The following ARID1B variants were observed in gnomAD, a reference collection of about 807,000 sequenced individuals.
ARID1B encodes AT-rich interaction domain 1B.
Under a neutral mutation model 212.3 loss-of-function variants are expected in ARID1B, and 30 were observed. That is an observed-to-expected ratio of 0.14 (90% CI 0.11 to 0.19). The LOEUF is 0.19. ARID1B is among the 10% of genes least tolerant of loss of function. The probability of loss-of-function intolerance (pLI) is 1.00; values close to 1 mark genes in which losing one functional copy is unlikely to be tolerated. For missense variants in ARID1B, 2,891 were observed against 3,204.0 expected, an observed-to-expected ratio of 0.90 and a Z score of 2.36; for synonymous variants, 1,402 against 1,301.7, an observed-to-expected ratio of 1.08 and a Z score of -1.66.
intron 4 of ARID1B, among the ~76,000 whole-genome samples, chr6:156,978,911 C>T (rs1392313449): frequency 6.6e-6 from 1 of 152,162 alleles, no homozygotes; most frequent in Non-Finnish European, 1.5e-5. Flanking sequence ...TCTCCATTTT[C>T]TATCCAGATG....
intron 4 of ARID1B, among the ~76,000 whole-genome samples, chr6:157,044,691 T>G (rs1350914824): frequency 6.6e-6 from 1 of 152,248 alleles, no homozygotes; most frequent in African/African-American, 2.4e-5. Context: ...CATTTCTCAT[T>G]GCTCATTTTG....
At chr6:156,886,018 A>G (rs1787473138) in intron 2 of ARID1B, among the ~76,000 whole-genome samples, 1 of 152,190 alleles carries the variant, frequency 6.6e-6, no homozygotes, top group African/African-American at 2.4e-5. Context: ...AGCATCCAAG[A>G]TTTTGGATTT....
chr6:156,927,162 G>T (rs1791292331), intron 3 of ARID1B, among the ~76,000 whole-genome samples: 1 of 152,044 alleles, frequency 6.6e-6, no homozygotes, highest in Admixed American at 6.5e-5. Flanking sequence ...AATTTACATT[G>T]TGGGGTAGTT....
chr6:157,170,013 A>T (rs1028527678), intron 9 of ARID1B: 1 of 152,238 alleles, frequency 6.6e-6, no homozygotes, highest in African/African-American at 2.4e-5. Flanking sequence ...GAAAAAGGCA[A>T]TCACACTACC....
intron 4 of ARID1B, among the ~76,000 whole-genome samples, chr6:157,004,888 TTCTTTTTTC>T (rs1238560344): frequency 1.9e-4 from 9 of 48,380 alleles, no homozygotes; most frequent in African/African-American, 9.7e-4. Flanking sequence ...CTTTTTCTTC[TTCTTTTTTC>T]TTTTTTTTTT....
rs1583501659 is a variant in ARID1B at position 157,201,099 on chromosome 6, C to A, written c.4874C>A (p.Pro1625His). 6.2e-7 allele frequency: 1 copy of A among 1,614,164 alleles called. No individual in the cohort carries two copies. The highest frequency in any genetic ancestry group is 8.5e-7 in the Non-Finnish European group (1 of 1,180,032). ...GMNRTDDMMV[P>H]DQRINHESQW... ...AACCGCACAGACGATATGATGGTAC[C>A]CGATCAGAGGATAAATCATGAGAGC... The change falls in exon 18 of 20, where the codon CCC becomes CAC. Residue 1625 changes from proline (P) to histidine (H), a missense_variant. Coordinates refer to ENST00000636930, the MANE Select transcript of ARID1B (RefSeq NM_001374828.1). The surrounding 1 kb of genome is among the most constrained non-coding windows in gnomAD (Gnocchi z 5.2).
chr6:156,934,909 T>G (rs1238986635), intron 3 of ARID1B, among the ~76,000 whole-genome samples: 1 of 92,142 alleles, frequency 1.1e-5, no homozygotes, highest in East Asian at 3.5e-4. Flanking sequence ...ATTTAGTTGT[T>G]AATTATATAT....
At chr6:156,779,662 C>G in intron 1 of ARID1B, 191 bp downstream of exon 1, 1 of 407,010 alleles carries the variant, frequency 2.5e-6, no homozygotes, top group Non-Finnish European at 3.5e-6. Context: ...GCGCGCTGTC[C>G]AGGCCTGGGA....
At chr6:156,838,723 T>TAATAAC (rs1205434118) in intron 2 of ARID1B, among the ~76,000 whole-genome samples, 2 of 149,326 alleles carry the variant, frequency 1.3e-5, no homozygotes, top group African/African-American at 5.0e-5. Flanking sequence ...ATAATAATAA[T>TAATAAC]AATAATAATA....
At chr6:156,798,140 T>G (rs949541621) in intron 1 of ARID1B, among the ~76,000 whole-genome samples, 1 of 152,160 alleles carries the variant, frequency 6.6e-6, no homozygotes, top group Non-Finnish European at 1.5e-5. Context: ...GTGTTTGATG[T>G]GTTGTTCTTT....
chr6:156,822,123 T>TTC (rs1308623638), intron 1 of ARID1B, among the ~76,000 whole-genome samples: 1 of 152,072 alleles, frequency 6.6e-6, no homozygotes, highest in African/African-American at 2.4e-5. Flanking sequence ...AGATTACAGG[T>TTC]GTGAGCTACC....
intron 4 of ARID1B, among the ~76,000 whole-genome samples, chr6:157,033,847 T>A (rs890557942): frequency 7.9e-5 from 12 of 152,340 alleles, no homozygotes; most frequent in African/African-American, 2.9e-4. Flanking sequence ...AAGGGCCTTG[T>A]CTTTGCCTTT....
intron 4 of ARID1B, among the ~76,000 whole-genome samples, chr6:157,084,384 C>G (rs1436223526): frequency 1.3e-5 from 2 of 152,104 alleles, no homozygotes; most frequent in Admixed American, 6.5e-5. Context: ...GTCTAATGGA[C>G]TCGGTGCTGA....
chr6:156,965,662 A>G (rs1186940448), intron 4 of ARID1B, among the ~76,000 whole-genome samples: 1 of 152,214 alleles, frequency 6.6e-6, no homozygotes, highest in Non-Finnish European at 1.5e-5. Flanking sequence ...CTCTTTTTCC[A>G]GCTCTTTTAT....
intron 1 of ARID1B, among the ~76,000 whole-genome samples, chr6:156,808,242 CTTG>C (rs1330752385): frequency 6.6e-6 from 1 of 152,144 alleles, no homozygotes; most frequent in Non-Finnish European, 1.5e-5. Flanking sequence ...TGCATTCTGT[CTTG>C]TTAGCTTTAG....
chr6:156,981,377 T>C (rs958894316), intron 4 of ARID1B, among the ~76,000 whole-genome samples: 3 of 152,206 alleles, frequency 2.0e-5, no homozygotes, highest in African/African-American at 7.2e-5. Flanking sequence ...AAGGCACATA[T>C]ATCCTTTTCT....
chr6:157,138,428 A>G (rs762288235), intron 7 of ARID1B, among the ~76,000 whole-genome samples: 1 of 152,124 alleles, frequency 6.6e-6, no homozygotes, highest in Non-Finnish European at 1.5e-5. Context: ...TGTAGAGACA[A>G]GGTTTCAGCA....
chr6:156,878,879 C>T lies in ARID1B; in HGVS notation c.1987-22497C>T, dbSNP rs370208988. Among the ~76,000 whole-genome samples the T allele has an allele frequency of 3.3e-4, 51 of 152,260 alleles. No homozygotes were observed. The South Asian group carries it at 7.2e-3, about 22-fold the overall frequency. ...GTCATCATCATGGGTTTGTTTGCAT[C>T]GTGATTGACCATTTAGGAAGTGTTT... On this transcript the variant is annotated intron_variant, in intron 2 of 19. Transcript: ENST00000636930.
At chr6:156,988,186 G>A (rs1434707672) in intron 4 of ARID1B, among the ~76,000 whole-genome samples, 1 of 152,162 alleles carries the variant, frequency 6.6e-6, no homozygotes, top group South Asian at 2.1e-4. Context: ...TTACAAACCG[G>A]GAGCTTGAAG....
Sources: gnomAD v4.1 joint callset for allele counts (sites outside exome capture counted in the v4.1 genomes callset) on GRCh38, gnomAD v4.1.1 for gene constraint, Gnocchi (gnomAD v3.1) non-coding constraint, MANE v1.5 for transcripts, NCBI Gene and HGNC (gene_info 2026-07-23, HGNC 2026-07-21) for gene names.